RBFOX1: variants seen among roughly 807,000 people sequenced by gnomAD.
RBFOX1 encodes the protein RNA binding protein fox-1 homolog 1.
A neutral mutation model predicts 57.7 loss-of-function variants in RBFOX1; 8 were observed. The observed-to-expected ratio is 0.14, with a 90% CI of 0.08 to 0.25. The LOEUF (loss-of-function observed/expected upper bound fraction) is 0.25, where lower values mean the gene tolerates loss of function less well. RBFOX1 is among the 10% of genes least tolerant of loss of function. The probability of loss-of-function intolerance (pLI) is 1.00; values close to 1 mark genes in which losing one functional copy is unlikely to be tolerated. For synonymous variants in RBFOX1, 326 were observed against 222.4 expected, an observed-to-expected ratio of 1.47 and a Z score of -4.15; for missense variants, 611 against 548.5, an observed-to-expected ratio of 1.11 and a Z score of -1.14.
At chr16:7,107,761 C>T (rs1000734619) in intron 4 of RBFOX1, among the ~76,000 whole-genome samples, 4 of 151,938 alleles carry the variant, frequency 2.6e-5, no homozygotes, top group African/African-American at 9.7e-5. Flanking sequence ...GCTTTTAAGC[C>T]CACACAGAAT....
At chr16:6,890,596 C>T (rs1161793517) in intron 3 of RBFOX1, among the ~76,000 whole-genome samples, 2 of 152,130 alleles carry the variant, frequency 1.3e-5, no homozygotes, top group Non-Finnish European at 2.9e-5. Context: ...TTTAAGGAAT[C>T]ATTGCTTTGG....
At chr16:6,469,656 T>G (rs72760944) in intron 2 of RBFOX1, among the ~76,000 whole-genome samples, 2,413 of 152,310 alleles carry the variant, frequency 0.016, 41 homozygotes, top group Non-Finnish European at 0.022. Context: ...AACGTTCACA[T>G]TTTTTCCTCC....
chr16:7,126,658 A>G (rs1226141841), intron 4 of RBFOX1: 2 of 153,090 alleles, frequency 1.3e-5, no homozygotes, highest in Non-Finnish European at 2.9e-5. Context: ...CAAGGACCGG[A>G]GATCCTAAGT....
chr16:5,495,768 A>G (rs1354225324), intron 2 of RBFOX1, among the ~76,000 whole-genome samples: 4 of 152,216 alleles, frequency 2.6e-5, no homozygotes, highest in Admixed American at 6.5e-5. Flanking sequence ...TGGCAGCACA[A>G]TTCTGAGAAA....
intron 4 of RBFOX1, among the ~76,000 whole-genome samples, chr16:7,412,124 C>A (rs549364647): frequency 6.6e-6 from 1 of 152,048 alleles, no homozygotes; most frequent in Admixed American, 6.6e-5. Context: ...TACCATGCTA[C>A]TGTAAGATGT....
intron 3 of RBFOX1, among the ~76,000 whole-genome samples, chr16:5,663,428 C>G (rs1218518428): frequency 6.6e-6 from 1 of 151,368 alleles, no homozygotes; most frequent in Non-Finnish European, 1.5e-5. Flanking sequence ...TGTCCTCAAA[C>G]TCCTGGCCTC....
chr16:6,235,554 A>ATG (rs1269038495), intron 1 of RBFOX1, among the ~76,000 whole-genome samples: 7 of 78,246 alleles, frequency 8.9e-5, no homozygotes, highest in African/African-American at 2.5e-4. Flanking sequence ...GTGTGCGTGT[A>ATG]TGTATGTGTG....
intron 4 of RBFOX1, among the ~76,000 whole-genome samples, chr16:7,466,423 T>G (rs1422719368): frequency 6.6e-6 from 1 of 152,072 alleles, no homozygotes; most frequent in African/African-American, 2.4e-5. Flanking sequence ...TACTCATGTT[T>G]CCATTTTAAG....
chr16:6,939,300 T>C (rs1406636835), intron 3 of RBFOX1, among the ~76,000 whole-genome samples: 1 of 152,102 alleles, frequency 6.6e-6, no homozygotes, highest in Non-Finnish European at 1.5e-5. Flanking sequence ...TGGGCCAATT[T>C]TGCTTGAAAT....
intron 3 of RBFOX1, among the ~76,000 whole-genome samples, chr16:5,752,582 T>C (rs2053248530): frequency 2.0e-5 from 3 of 152,168 alleles, no homozygotes; most frequent in African/African-American, 7.2e-5. Flanking sequence ...TAGGATCTTA[T>C]TTTCTCCCTT....
intron 4 of RBFOX1, among the ~76,000 whole-genome samples, chr16:7,443,025 T>G (rs934178505): frequency 1.3e-5 from 2 of 152,142 alleles, no homozygotes; most frequent in African/African-American, 4.8e-5. Context: ...TTAATTAACA[T>G]CCTTTTTACT....
At chr16:5,925,694 A>T (rs1404092718) in intron 4 of RBFOX1, among the ~76,000 whole-genome samples, 6 of 152,292 alleles carry the variant, frequency 3.9e-5, no homozygotes, top group African/African-American at 1.4e-4. Flanking sequence ...ATATTATGTT[A>T]TACTGAAATA....
chr16:5,288,499 A>C (rs2151166749), intron 1 of RBFOX1, among the ~76,000 whole-genome samples: 1 of 152,320 alleles, frequency 6.6e-6, no homozygotes, highest in Non-Finnish European at 1.5e-5. Context: ...ACACAGTCAC[A>C]TTAAAAAAAC....
intron 1 of RBFOX1, among the ~76,000 whole-genome samples, chr16:5,380,193 G>A (rs924003409): frequency 1.3e-5 from 2 of 152,220 alleles, no homozygotes; most frequent in Non-Finnish European, 2.9e-5. Flanking sequence ...CCACTTCCTG[G>A]CTGCTCAGCT....
chr16:7,271,776 A>G (rs1402853158), intron 4 of RBFOX1, among the ~76,000 whole-genome samples: 1 of 152,004 alleles, frequency 6.6e-6, no homozygotes, highest in Non-Finnish European at 1.5e-5. Flanking sequence ...ATCCATAGCT[A>G]AGGGTCTCTT....
chr16:7,697,852 G>C (rs117711220), intron 14 of RBFOX1, among the ~76,000 whole-genome samples: 1 of 152,154 alleles, frequency 6.6e-6, no homozygotes, highest in Admixed American at 6.5e-5. Flanking sequence ...TTACTATTTG[G>C]AAGAGACCCA....
chr16:7,036,829 C>T (rs1451726029), intron 3 of RBFOX1, among the ~76,000 whole-genome samples: 1 of 152,038 alleles, frequency 6.6e-6, no homozygotes, highest in Non-Finnish European at 1.5e-5. Flanking sequence ...AGTTCATAGA[C>T]AGAGTGGATG....
At chr16:5,722,268 G>A (rs1387565635) in intron 3 of RBFOX1, among the ~76,000 whole-genome samples, 1 of 152,158 alleles carries the variant, frequency 6.6e-6, no homozygotes, top group African/African-American at 2.4e-5. Context: ...ACATAATTAG[G>A]CTACAGTGTA....
At chr16:5,634,243 C>A (rs980588953) in intron 3 of RBFOX1, among the ~76,000 whole-genome samples, 1 of 152,184 alleles carries the variant, frequency 6.6e-6, no homozygotes, top group Admixed American at 6.5e-5. Flanking sequence ...ACTGGCAAAG[C>A]CTGAAGTCTT....
Sources: allele counts gnomAD v4.1 joint callset (sites outside exome capture counted in the v4.1 genomes callset), GRCh38; gene constraint gnomAD v4.1.1; transcripts MANE v1.5; gene names NCBI Gene and HGNC (gene_info 2026-07-23, HGNC 2026-07-21).